ST18: variants seen among roughly 807,000 people sequenced by gnomAD.
ST18 encodes the protein ST18 C2H2C-type zinc finger transcription factor.
ST18 carries 50 observed loss-of-function variants against 110.0 expected under a neutral mutation model. The ratio of observed to expected loss-of-function variants is 0.45; its 90% CI spans 0.36 to 0.58. The LOEUF is 0.58. Ranked by LOEUF, ST18 falls within the 20% of genes least tolerant of loss-of-function variation. The pLI, the probability that ST18 is intolerant of heterozygous loss-of-function variation, is 0.00. For synonymous variants in ST18, 461 were observed against 452.4 expected, an observed-to-expected ratio of 1.02 and a Z score of -0.24; for missense variants, 1,306 against 1,280.1, an observed-to-expected ratio of 1.02 and a Z score of -0.31.
intron 2 of ST18, among the ~76,000 whole-genome samples, chr8:52,350,910 C>T (rs566461326): frequency 6.6e-5 from 10 of 151,828 alleles, no homozygotes; most frequent in South Asian, 2.1e-4. Flanking sequence ...TTAGTAGAGA[C>T]GGGGTTTCAC....
intron 2 of ST18, among the ~76,000 whole-genome samples, chr8:52,385,597 CAAAAA>C (rs60332637): frequency 4.3e-5 from 5 of 116,744 alleles, no homozygotes; most frequent in Admixed American, 8.8e-5. Context: ...GACTCCGACT[CAAAAA>C]AAAAAAAAAA....
intron 2 of ST18, among the ~76,000 whole-genome samples, chr8:52,311,670 G>A (rs1272146055): frequency 2.0e-5 from 3 of 152,166 alleles, no homozygotes; most frequent in Non-Finnish European, 4.4e-5. Flanking sequence ...ATGGTGGCAG[G>A]AGAGAGAGAG....
At chr8:52,367,235 C>CACACACACACACACAA (rs1455266686) in intron 2 of ST18, among the ~76,000 whole-genome samples, 1 of 130,444 alleles carries the variant, frequency 7.7e-6, no homozygotes, top group Non-Finnish European at 1.6e-5. Context: ...GGGACCCTGT[C>CACACACACACACACAA]TCACACACAC....
chr8:52,129,446 T>G (rs1586487704), intron 22 of ST18, among the ~76,000 whole-genome samples: 1 of 92,470 alleles, frequency 1.1e-5, no homozygotes. Context: ...AGAGTGAGAC[T>G]CCATCAAAAA....
chr8:52,188,564 C>T (rs1418354587), intron 8 of ST18, among the ~76,000 whole-genome samples: 8 of 152,110 alleles, frequency 5.3e-5, no homozygotes, highest in Non-Finnish European at 8.8e-5. Flanking sequence ...GATTTGAATA[C>T]GTTGTAGTGT....
chr8:52,256,840 T>C (rs113421372), intron 2 of ST18, among the ~76,000 whole-genome samples: 36 of 152,208 alleles, frequency 2.4e-4, no homozygotes, highest in Non-Finnish European at 5.1e-4. Context: ...TATAATTAAA[T>C]AACTTCTAAT....
Position 52,139,481 on chromosome 8 carries a change from G to C in ST18, c.2169-1998C>G, listed in dbSNP as rs1323445704. Among the ~76,000 whole-genome samples, 11 of 151,978 alleles carry C rather than the reference G, an allele frequency of 7.2e-5. No homozygotes were observed. In the South Asian group the frequency reaches 2.3e-3, roughly 32 times the overall value. On this transcript the variant is annotated intron_variant, in intron 17 of 25. Transcript: ENST00000689386. ...AGCGATTCTCCTGCCTCAGCCTCCC[G>C]AATAGCTTGGATTACAGGCGTGTAC...
Position 52,172,431 on chromosome 8 carries a change from T to G in ST18, c.430A>C (p.Thr144Pro), listed in dbSNP as rs2065292621. 1.9e-6 allele frequency: 3 copies of G among 1,613,932 alleles called. No homozygotes were observed. The highest frequency in any genetic ancestry group is 2.5e-6 in the Non-Finnish European group (3 of 1,180,022). ...CTGTCATTTAAATTTTCACTTACAGTCTGAACAGATACATTTTTTTCAAAT... is the reference window on the plus strand; with the variant it reads ...CTGTCATTTAAATTTTCACTTACAGGCTGAACAGATACATTTTTTTCAAAT... The part of the protein sequence containing the change: ...GKFEKNVSVQ[T>P]VSENLNDSGI... The change falls in exon 10 of 26, where the codon ACT (threonine) becomes CCT (proline). Residue 144 changes from threonine to proline, a missense_variant. Physicochemically the swap from Thr to Pro is conservative, Grantham distance 38. Coordinates refer to ENST00000689386, the MANE Select transcript of ST18 (RefSeq NM_001352837.2).
chr8:52,228,535 T>C (rs1302141424), intron 3 of ST18, among the ~76,000 whole-genome samples: 7 of 152,120 alleles, frequency 4.6e-5, no homozygotes, highest in Non-Finnish European at 1.5e-5. Context: ...CAAAACCAAT[T>C]TATTTTTTTA....
At chr8:52,123,643 T>C (rs1458100794) in intron 23 of ST18, among the ~76,000 whole-genome samples, 1 of 152,244 alleles carries the variant, frequency 6.6e-6, no homozygotes, top group Non-Finnish European at 1.5e-5. Context: ...CTGACACTTG[T>C]CAATGGGTTC....
chr8:52,176,672 T>C (rs957919675), intron 9 of ST18, among the ~76,000 whole-genome samples: 2 of 152,246 alleles, frequency 1.3e-5, no homozygotes, highest in African/African-American at 4.8e-5. Flanking sequence ...CCAAGACCTC[T>C]ACTCAGAGTT....
intron 7 of ST18, among the ~76,000 whole-genome samples, chr8:52,213,971 C>T (rs866596295): frequency 1.3e-5 from 2 of 152,198 alleles, no homozygotes; most frequent in African/African-American, 2.4e-5. Flanking sequence ...CTCATGATTG[C>T]ATTTTGTAAA....
At chr8:52,385,242 C>T (rs1385514904) in intron 2 of ST18, among the ~76,000 whole-genome samples, 7 of 152,170 alleles carry the variant, frequency 4.6e-5, no homozygotes, top group Non-Finnish European at 1.0e-4. Context: ...AGACATGCAT[C>T]CCCAACTGTT....
intron 9 of ST18, among the ~76,000 whole-genome samples, chr8:52,174,329 G>A (rs2066097596): frequency 6.6e-6 from 1 of 152,196 alleles, no homozygotes; most frequent in Non-Finnish European, 1.5e-5. Flanking sequence ...AAGTGTAAAG[G>A]GTTATGATAA....
chr8:52,133,167 C>A, intron 20 of ST18, 30 bp from the exon 21 acceptor site: 1 of 1,614,164 alleles, frequency 6.2e-7, no homozygotes, highest in Middle Eastern at 1.6e-4. Context: ...AAGAACAAAG[C>A]AAAATTATGT....
At chr8:52,203,628 C>T (rs1233888228) in intron 8 of ST18, among the ~76,000 whole-genome samples, 1 of 152,090 alleles carries the variant, frequency 6.6e-6, no homozygotes, top group Non-Finnish European at 1.5e-5. Flanking sequence ...AATGAGACCT[C>T]AAATAGGTAT....
At chr8:52,296,146 TG>T (rs1353166285) in intron 2 of ST18, among the ~76,000 whole-genome samples, 1 of 152,136 alleles carries the variant, frequency 6.6e-6, no homozygotes, top group Admixed American at 6.6e-5. Context: ...AGTGCAATGC[TG>T]GGGGGAAGGA....
At chr8:52,167,058 G>A in intron 10 of ST18, 72 bp from the exon 11 acceptor site, 1 of 1,515,880 alleles carries the variant, frequency 6.6e-7, no homozygotes, top group Non-Finnish European at 9.0e-7. Context: ...GAATGGCCTT[G>A]CAGGGTGACA....
rs118019449 is a variant in ST18, at chr8:52,275,359, C to T, written c.-464-45282G>A. Among the ~76,000 whole-genome samples, 342 of 152,218 alleles carry T rather than the reference C, an allele frequency of 2.2e-3. 9 individuals carry two copies. The East Asian group carries it at 0.035, about 16-fold the overall frequency. Reference sequence around the variant, plus strand: ...AAAGTAAATTATAAATAAAATGAGACGGATGACTTTTGCTAAAGTTCAGCT... The same window carrying T: ...AAAGTAAATTATAAATAAAATGAGATGGATGACTTTTGCTAAAGTTCAGCT... On this transcript the variant is annotated intron_variant, in intron 2 of 25. Coordinates refer to ENST00000689386, the MANE Select transcript of ST18 (RefSeq NM_001352837.2).
Sources: gnomAD v4.1 joint callset for allele counts (sites outside exome capture counted in the v4.1 genomes callset) on GRCh38, gnomAD v4.1.1 for gene constraint, MANE v1.5 for transcripts, NCBI Gene and HGNC (gene_info 2026-07-23, HGNC 2026-07-21) for gene names.